Variants in CTNNA2 observed in about 807,000 individuals in gnomAD.
CTNNA2 encodes catenin alpha-2.
A neutral mutation model predicts 101.0 loss-of-function variants in CTNNA2; 42 were observed. The observed-to-expected ratio is 0.42, with a 90% CI of 0.32 to 0.54. The LOEUF is 0.54. CTNNA2 is among the 20% of genes least tolerant of loss of function. The probability of loss-of-function intolerance (pLI) is 0.14; values close to 1 mark genes in which losing one functional copy is unlikely to be tolerated. For missense variants in CTNNA2, 871 were observed against 1,223.1 expected (o/e 0.71, Z 4.29); for synonymous variants, 450 against 456.4 (o/e 0.99, Z 0.18).
At chr2:79,857,985 C>A in intron 3 of CTNNA2, 28 bp from the exon 4 acceptor site, 1 of 1,599,140 alleles carries the variant, frequency 6.3e-7, no homozygotes. Context: ...CTTGTCTACC[C>A]ACCTGCCTCT....
chr2:80,259,904 G>C (rs956096324), intron 7 of CTNNA2, among the ~76,000 whole-genome samples: 4 of 152,130 alleles, frequency 2.6e-5, no homozygotes, highest in African/African-American at 4.8e-5. Context: ...CTGCGCAAAG[G>C]GTTTGAAAAT....
At position 80,262,424 on chromosome 2, in the gene CTNNA2, G is replaced by T. The variant is rs78410123; in HGVS notation, c.1057-130787G>T. Among the ~76,000 whole-genome samples the T allele has an allele frequency of 4.8e-3, 725 of 152,220 alleles. 3 individuals are homozygous for T. Among genetic ancestry groups the T allele is most frequent in the Non-Finnish European group, 7.4e-3 (504 of 68,024 alleles). On this transcript the variant is annotated intron_variant, in intron 7 of 18. Transcript: ENST00000402739. ...ACAATGCTTGTGTATAAACAAATTG[G>T]TGTATATATATTTTTGTACAATTTT...
chr2:79,762,514 A>G (rs1164166255), intron 3 of CTNNA2, among the ~76,000 whole-genome samples: 1 of 152,192 alleles, frequency 6.6e-6, no homozygotes, highest in African/African-American at 2.4e-5. Context: ...TTTGTTTTCA[A>G]TTCTGGGTCA....
chr2:79,242,989 T>TACACACAC (rs1443193633), intron 2 of CTNNA2, among the ~76,000 whole-genome samples: 2 of 92,148 alleles, frequency 2.2e-5, no homozygotes, highest in African/African-American at 6.9e-5. Flanking sequence ...TATATATATA[T>TACACACAC]ATATACACAC....
At chr2:80,381,235 G>T (rs1325984026) in intron 7 of CTNNA2, among the ~76,000 whole-genome samples, 1 of 151,736 alleles carries the variant, frequency 6.6e-6, no homozygotes, top group African/African-American at 2.4e-5. Flanking sequence ...TCGAGGAAGA[G>T]CACAGAGCTT....
At chr2:79,279,406 A>G (rs777353211) in intron 2 of CTNNA2, among the ~76,000 whole-genome samples, 11 of 152,068 alleles carry the variant, frequency 7.2e-5, no homozygotes, top group South Asian at 6.2e-4. Flanking sequence ...TCCTCCTCCA[A>G]AGTAAATTAG....
chr2:80,531,095 G>A (rs1690498895), intron 9 of CTNNA2, among the ~76,000 whole-genome samples: 1 of 152,154 alleles, frequency 6.6e-6, no homozygotes, highest in Admixed American at 6.5e-5. Context: ...AGCTGTTAAG[G>A]GGAATGAGTT....
intron 9 of CTNNA2, among the ~76,000 whole-genome samples, chr2:80,509,006 C>A (rs1688496928): frequency 6.6e-6 from 1 of 151,946 alleles, no homozygotes; most frequent in Admixed American, 6.6e-5. Flanking sequence ...ATCTGATCTA[C>A]CTCTAATTAT....
At chr2:79,398,427 A>G (rs1431830169) in intron 4 of CTNNA2, among the ~76,000 whole-genome samples, 3 of 152,132 alleles carry the variant, frequency 2.0e-5, no homozygotes, top group Non-Finnish European at 2.9e-5. Flanking sequence ...CCTATAGTCT[A>G]CAGTGTCAAA....
intron 3 of CTNNA2, 61 bp from the exon 4 acceptor site, chr2:79,857,952 T>C: frequency 1.3e-6 from 2 of 1,527,242 alleles, no homozygotes; most frequent in Non-Finnish European, 1.8e-6. Context: ...CACAGATCTT[T>C]AGGATGGCCA....
intron 1 of CTNNA2, among the ~76,000 whole-genome samples, chr2:79,195,134 G>A (rs902326902): frequency 1.3e-5 from 2 of 152,130 alleles, no homozygotes; most frequent in African/African-American, 4.8e-5. Flanking sequence ...ATCTCTGCGT[G>A]ACTATTGCTT....
rs758640538 is a variant in CTNNA2 at position 80,257,210 on chromosome 2, C to T, written c.1057-136001C>T. On this transcript the variant is annotated intron_variant, in intron 7 of 18. Transcript: ENST00000402739. ...TCTCCTTCTTATTAATTTTGAGCTA[C>T]GTGGTTATAATTTTAAAATATGTAA... 2.3e-4 allele frequency among the ~76,000 whole-genome samples: 35 copies of T among 151,636 alleles called. 1 individual carries two copies. Among genetic ancestry groups the T allele is most frequent in the Non-Finnish European group, 3.7e-4 (25 of 67,968 alleles).
chr2:80,449,155 T>C (rs1204272291), intron 9 of CTNNA2, among the ~76,000 whole-genome samples: 1 of 152,096 alleles, frequency 6.6e-6, no homozygotes, highest in African/African-American at 2.4e-5. Flanking sequence ...TTTAGGCCTG[T>C]AATCCTAGGA....
At chr2:79,904,451 A>T (rs968012421) in intron 6 of CTNNA2, among the ~76,000 whole-genome samples, 7 of 152,190 alleles carry the variant, frequency 4.6e-5, no homozygotes, top group African/African-American at 9.7e-5. Context: ...ATTTAAAAGA[A>T]TTAAATTTTC....
chr2:80,119,882 C>A (rs1464633826), intron 7 of CTNNA2, among the ~76,000 whole-genome samples: 1 of 152,134 alleles, frequency 6.6e-6, no homozygotes, highest in African/African-American at 2.4e-5. Flanking sequence ...TTATGCTAAA[C>A]AAGGTTAAAA....
At chr2:79,213,531 G>C (rs1008025180) in intron 2 of CTNNA2, among the ~76,000 whole-genome samples, 13 of 152,160 alleles carry the variant, frequency 8.5e-5, no homozygotes, top group Non-Finnish European at 1.9e-4. Context: ...AGATGTGGAA[G>C]ATACTATAGC....
At chr2:79,569,219 T>C (rs1424627217) in intron 1 of CTNNA2, among the ~76,000 whole-genome samples, 1 of 152,060 alleles carries the variant, frequency 6.6e-6, no homozygotes, top group Admixed American at 6.6e-5. Context: ...GCGTGACAGG[T>C]GAATGCACAG....
At chr2:80,525,573 A>G (rs1689965345) in intron 9 of CTNNA2, among the ~76,000 whole-genome samples, 1 of 152,164 alleles carries the variant, frequency 6.6e-6, no homozygotes, top group South Asian at 2.1e-4. Flanking sequence ...CTGACTTTCC[A>G]ATTTCCCCCT....
At chr2:79,357,899 T>C (rs1276066910) in intron 3 of CTNNA2, among the ~76,000 whole-genome samples, 1 of 152,202 alleles carries the variant, frequency 6.6e-6, no homozygotes, top group East Asian at 1.9e-4. Flanking sequence ...CATCTTTGAA[T>C]TTCCTACATA....
Sources: allele counts gnomAD v4.1 joint callset (sites outside exome capture counted in the v4.1 genomes callset), GRCh38; gene constraint gnomAD v4.1.1; transcripts MANE v1.5; gene names NCBI Gene and HGNC (gene_info 2026-07-23, HGNC 2026-07-21).